Variants in TLCD4 observed in about 807,000 individuals in gnomAD.
TLCD4 encodes TLC domain-containing protein 4.
TLCD4 carries 7 observed loss-of-function variants against 24.2 expected under a neutral mutation model. That is an observed-to-expected ratio of 0.29 (90% CI 0.16 to 0.54). TLCD4 has a LOEUF of 0.54. Ranked by LOEUF, TLCD4 falls within the 20% of genes least tolerant of loss-of-function variation. The pLI, the probability that TLCD4 is intolerant of heterozygous loss-of-function variation, is 0.95. For missense variants in TLCD4, 259 were observed against 313.9 expected (o/e 0.82, Z 1.32); for synonymous variants, 103 against 106.4 (o/e 0.97, Z 0.20).
chr1:95,151,465 GAATA>G (rs1231315480), intron 5 of TLCD4, 46 bp downstream of exon 5: 9 of 1,587,920 alleles, frequency 5.7e-6, no homozygotes, highest in African/African-American at 1.4e-5. Context: ...ACAAGATTGG[GAATA>G]GTGATGTAAA....
chr1:95,190,435 A>G (rs892250104), intron 6 of TLCD4, among the ~76,000 whole-genome samples: 8 of 151,912 alleles, frequency 5.3e-5, no homozygotes, highest in East Asian at 1.9e-4. Context: ...GGTTCAAGCA[A>G]TTCTCTGCCT....
chr1:95,148,840 A>G lies in TLCD4; in HGVS notation c.245+49A>G, dbSNP rs574229429. 4.4e-6 allele frequency: 7 copies of G among 1,595,760 alleles called. No homozygotes were observed. The East Asian group carries it at 1.3e-4, about 31-fold the overall frequency. ...TTGCCAATTTCATTTATGTTTTGAT[A>G]TTAATTATTTATAAGAACATCACTT... On this transcript the variant is annotated intron_variant, in intron 3 of 6. Transcript: ENST00000370203.
intron 1 of TLCD4, among the ~76,000 whole-genome samples, chr1:95,122,971 ATT>A (rs879277117): frequency 6.8e-6 from 1 of 147,882 alleles, no homozygotes; most frequent in African/African-American, 2.5e-5. Flanking sequence ...TATGGACATG[ATT>A]TTTTTTTTTT....
At chr1:95,151,459 G>A (rs761988831) in intron 5 of TLCD4, 40 bp downstream of exon 5, 2 of 1,597,530 alleles carry the variant, frequency 1.3e-6, no homozygotes, top group Non-Finnish European at 8.5e-7. Flanking sequence ...TAGCAGACAA[G>A]ATTGGGAATA....
intron 5 of TLCD4, among the ~76,000 whole-genome samples, chr1:95,159,516 C>A (rs887833978): frequency 6.6e-6 from 1 of 152,126 alleles, no homozygotes; most frequent in Admixed American, 6.5e-5. Context: ...TTAATTAGAT[C>A]GCATTTGTCA....
intron 1 of TLCD4, among the ~76,000 whole-genome samples, chr1:95,118,422 C>G (rs997230414): frequency 6.6e-6 from 1 of 152,148 alleles, no homozygotes; most frequent in African/African-American, 2.4e-5. Flanking sequence ...TAATTGTACA[C>G]ACATTTGAGT....
At chr1:95,092,751 G>A in the TLCD4 span, among the ~76,000 whole-genome samples, 1 of 152,312 alleles carries the variant, frequency 6.6e-6, no homozygotes, top group East Asian at 1.9e-4. Flanking sequence ...AAGGTCCGCG[G>A]CTTCATTCTT....
At chr1:95,127,053 A>G (rs11165315) in intron 1 of TLCD4, among the ~76,000 whole-genome samples, 30,979 of 152,198 alleles carry the variant, frequency 0.2, 3,911 homozygotes, top group East Asian at 0.37. Flanking sequence ...CTTAAGCCAC[A>G]TAACTATCTT....
Position 95,194,928 on chromosome 1 carries a change from T to C in TLCD4, c.*3060T>C, listed in dbSNP as rs1207525532. 2 of 152,160 alleles carry C rather than the reference T, an allele frequency of 1.3e-5. No individual in the cohort carries two copies. Among genetic ancestry groups the C allele is most frequent in the African/African-American group, 2.4e-5 (1 of 41,438 alleles). 9.4% of individuals were successfully genotyped at this position (152,160 alleles called of 1,614,324 possible). A position where few individuals can be genotyped will look rare whatever the true frequency, so the allele number is the denominator to read the frequency against. ...ATATGTGTTGATACCCTACAGTAAA[T>C]TGAATTAAATTTTTATCCCAACTGT... On this transcript the variant is annotated 3_prime_UTR_variant, in exon 7 of 7. Transcript: ENST00000370203.
intron 1 of TLCD4, among the ~76,000 whole-genome samples, chr1:95,126,552 C>T (rs897213950): frequency 3.3e-5 from 5 of 152,114 alleles, no homozygotes; most frequent in Non-Finnish European, 7.3e-5. Flanking sequence ...TTATTATTTC[C>T]TGTGATTCTG....
In TLCD4 at chr1:95,148,919, TCAGA is replaced by T. The variant is rs1571744783; in HGVS notation, c.245+131_245+134del. On this transcript the variant is annotated intron_variant, in intron 3 of 6. Coordinates refer to ENST00000370203, the MANE Select transcript of TLCD4 (RefSeq NM_152487.3). Reference sequence around the variant, plus strand: ...ATATGCCTTATTAAAATGCTTGTGCTCAGACATTCTAGCAAAGTGCATTTAAATG... The same window carrying T: ...ATATGCCTTATTAAAATGCTTGTGCTCATTCTAGCAAAGTGCATTTAAATG... 5.4e-5 allele frequency: 67 copies of T among 1,243,474 alleles called. No individual in the cohort carries two copies. In the East Asian group the frequency reaches 1.6e-3, roughly 30 times the overall value. 77.0% of individuals were successfully genotyped at this position (1,243,474 alleles called of 1,614,324 possible). A position where few individuals can be genotyped will look rare whatever the true frequency, so the allele number is the denominator to read the frequency against.
At chr1:95,109,265 T>C in the TLCD4 span, among the ~76,000 whole-genome samples, 8 of 152,204 alleles carry the variant, frequency 5.3e-5, no homozygotes, top group African/African-American at 1.9e-4. Flanking sequence ...AGGTTGATGC[T>C]ACAGGGAGGG....
intron 1 of TLCD4, among the ~76,000 whole-genome samples, chr1:95,139,420 TTTTTA>T (rs1677137734): frequency 6.6e-6 from 1 of 151,476 alleles, no homozygotes; most frequent in South Asian, 2.1e-4. Flanking sequence ...CTTAGTTTCT[TTTTTA>T]TTTTATAAAC....
Position 95,120,534 on chromosome 1 carries a change from A to G in TLCD4, c.-12+2917A>G, listed in dbSNP as rs527681802. ...TCTGTTCACGGAGAAGGCAATGGAT[A>G]TATAAGAAGGAGCTTCTGAACTGGT... On this transcript the variant is annotated intron_variant, in intron 1 of 6. Coordinates refer to ENST00000370203, the MANE Select transcript of TLCD4 (RefSeq NM_152487.3). Among the ~76,000 whole-genome samples the G allele has an allele frequency of 6.6e-5, 10 of 152,358 alleles. No homozygotes were observed. In the South Asian group the frequency reaches 1.2e-3, roughly 19 times the overall value.
At chr1:95,114,829 GA>G (rs947326677), upstream of TLCD4, among the ~76,000 whole-genome samples, 245 of 137,610 alleles carry the variant, frequency 1.8e-3, 2 homozygotes, top group Middle Eastern at 0.011. Context: ...CTGTCTCAAA[GA>G]AAAAAAAAAA....
chr1:95,132,631 C>T (rs543015973), intron 1 of TLCD4, among the ~76,000 whole-genome samples: 2 of 152,076 alleles, frequency 1.3e-5, no homozygotes, highest in Admixed American at 6.5e-5. Flanking sequence ...GTAGTAATAT[C>T]AAGTAGCAGT....
At chr1:95,124,912 A>G (rs1318123889) in intron 1 of TLCD4, among the ~76,000 whole-genome samples, 2 of 152,192 alleles carry the variant, frequency 1.3e-5, no homozygotes, top group Admixed American at 6.5e-5. Context: ...CAAGGATGGT[A>G]CTTAATCAAT....
chr1:95,115,536 T>C (rs866789060), upstream of TLCD4, among the ~76,000 whole-genome samples: 1 of 152,222 alleles, frequency 6.6e-6, no homozygotes, highest in Non-Finnish European at 1.5e-5. Flanking sequence ...ATTCAACTAC[T>C]ATTTACTGAA....
chr1:95,132,315 G>C (rs990198892), intron 1 of TLCD4, among the ~76,000 whole-genome samples: 15 of 151,968 alleles, frequency 9.9e-5, no homozygotes. Flanking sequence ...AAATTAGCCA[G>C]GCGTGGTGGC....
Sources: allele counts gnomAD v4.1 joint callset (sites outside exome capture counted in the v4.1 genomes callset), GRCh38; gene constraint gnomAD v4.1.1; transcripts MANE v1.5; gene names NCBI Gene and HGNC (gene_info 2026-07-23, HGNC 2026-07-21).